Variants in METTL4 observed in about 807,000 individuals in gnomAD.
The protein encoded by METTL4 is N(6)-adenine-specific methyltransferase METTL4.
Under a neutral mutation model 54.0 loss-of-function variants are expected in METTL4, and 40 were observed. The observed-to-expected ratio is 0.74, with a 90% CI of 0.58 to 0.96. The LOEUF (loss-of-function observed/expected upper bound fraction) is 0.96, where lower values mean the gene tolerates loss of function less well. Among genes scored for constraint, METTL4 ranks in the 50% least tolerant of loss-of-function variants. The pLI is 0.00. For synonymous variants in METTL4, 169 were observed against 183.8 expected (o/e 0.92, Z 0.65); for missense variants, 525 against 549.0 (o/e 0.96, Z 0.44).
rs530509726 is a variant in METTL4 at position 2,549,913 on chromosome 18, GA to G, written c.900-2385del. 6.6e-5 allele frequency among the ~76,000 whole-genome samples: 10 copies of G among 150,510 alleles called. No individual in the cohort carries two copies. The South Asian group carries it at 2.1e-3, about 32-fold the overall frequency. ...GGAGGCTAAGGCAGAAGAATCACCT[GA>G]ACCCAGGAGGTGAAGGTTTCAATGA... On this transcript the variant is annotated intron_variant, in intron 5 of 8. Coordinates refer to ENST00000574538, the MANE Select transcript of METTL4 (RefSeq NM_022840.5).
At chr18:2,569,601 G>T (rs1292709668) in intron 1 of METTL4, among the ~76,000 whole-genome samples, 1 of 151,458 alleles carries the variant, frequency 6.6e-6, no homozygotes, top group Admixed American at 6.6e-5. Context: ...CTCAGTTTAA[G>T]TATTCAGTGA....
intron 5 of METTL4, among the ~76,000 whole-genome samples, chr18:2,551,163 C>CAAAAAAAA: frequency 2.0e-5 from 1 of 49,284 alleles, no homozygotes; most frequent in Non-Finnish European, 4.4e-5. Flanking sequence ...GACTCCGTCT[C>CAAAAAAAA]AAAAAAAAAA....
In METTL4 at chr18:2,550,258, A is replaced by G. The variant is rs923136396; in HGVS notation, c.899+2437T>C. Among the ~76,000 whole-genome samples the G allele has an allele frequency of 1.8e-4, 28 of 152,156 alleles. 1 individual carries two copies. Among genetic ancestry groups the G allele is most frequent in the African/African-American group, 6.3e-4 (26 of 41,446 alleles). ...TTGTGTGGAGAAAGAGGAAATATTC[A>G]TATCTCCTCTTCTAGCTCTAATTTC... is the stretch of plus-strand genomic sequence containing the variant. On this transcript the variant is annotated intron_variant, in intron 5 of 8. Coordinates refer to ENST00000574538, the MANE Select transcript of METTL4 (RefSeq NM_022840.5).
In METTL4 at chr18:2,563,841, C is replaced by T. The variant is rs1177925379; in HGVS notation, c.415G>A (p.Val139Ile). ...IIGKKRKRCV[V>I]FNQGELDAME... Reference sequence around the variant, plus strand: ...GCATCCAATTCACCTTGATTGAAAACAACACATCTTTTACGCTTCTAAAGG... The same window carrying T: ...GCATCCAATTCACCTTGATTGAAAATAACACATCTTTTACGCTTCTAAAGG... Residue 139 changes from valine (V) to isoleucine (I), a missense_variant, in exon 3 of 9, where the codon GTT (valine) becomes ATT (isoleucine). By Grantham distance (29) the Val-to-Ile change is conservative (BLOSUM62 3). Transcript: ENST00000574538. 1 of 1,609,308 alleles carries T rather than the reference C, an allele frequency of 6.2e-7. No individual in the cohort carries two copies. Among genetic ancestry groups the T allele is most frequent in the East Asian group, 2.2e-5 (1 of 44,452 alleles).
intron 6 of METTL4, among the ~76,000 whole-genome samples, chr18:2,546,833 C>T (rs2072076317): frequency 6.6e-6 from 1 of 152,096 alleles, no homozygotes; most frequent in Admixed American, 6.6e-5. Context: ...CACAGCAGCA[C>T]AAAAGGCACT....
At chr18:2,551,095 C>T (rs1293903563) in intron 5 of METTL4, among the ~76,000 whole-genome samples, 3 of 134,920 alleles carry the variant, frequency 2.2e-5, no homozygotes, top group African/African-American at 8.5e-5. Context: ...ACCCGGGAGG[C>T]GGAGCTTGCA....
Position 2,537,677 on chromosome 18 carries a change from C to CA in METTL4, c.*1322dup. ...TCAAAAATAACATATTTTTCTTTGA[C>CA]AAAATCAGTAAATTGGCAAGCTTGT... is the stretch of plus-strand genomic sequence containing the variant. On this transcript the variant is annotated 3_prime_UTR_variant, in exon 9 of 9. Coordinates refer to ENST00000574538, the MANE Select transcript of METTL4 (RefSeq NM_022840.5). 2.5e-6 allele frequency: 1 copy of CA among 392,164 alleles called. No individual in the cohort carries two copies. The highest frequency in any genetic ancestry group is 4.5e-6 in the Non-Finnish European group (1 of 222,470). The allele number at this position is 392,164 out of a possible 1,614,324, so 24.3% of individuals were successfully genotyped here.
chr18:2,563,962 ATAAT>A (rs986553026), intron 2 of METTL4, 103 bp from the exon 3 acceptor site: 2 of 659,980 alleles, frequency 3.0e-6, no homozygotes, highest in Non-Finnish European at 2.5e-6. Context: ...ATAATAATTA[ATAAT>A]TAATAGTAGT....
At chr18:2,542,170 T>C (rs1312576358) in intron 8 of METTL4, among the ~76,000 whole-genome samples, 2 of 152,022 alleles carry the variant, frequency 1.3e-5, no homozygotes, top group Non-Finnish European at 2.9e-5. Flanking sequence ...ATTTCAAAGA[T>C]ATAAGCTGTA....
intron 1 of METTL4, chr18:2,568,930 C>A: frequency 4.4e-6 from 1 of 227,946 alleles, no homozygotes; most frequent in South Asian, 7.6e-5. Context: ...GCAGCACTCC[C>A]CTTTGTAAGA....
intron 4 of METTL4, chr18:2,553,117 T>C (rs926901393): frequency 9.9e-5 from 16 of 162,026 alleles, no homozygotes; most frequent in Non-Finnish European, 2.1e-4. Flanking sequence ...TTACTTTTTA[T>C]TTTAAAATAA....
intron 5 of METTL4, among the ~76,000 whole-genome samples, chr18:2,549,169 C>T (rs2072115318): frequency 6.6e-6 from 1 of 152,176 alleles, no homozygotes; most frequent in South Asian, 2.1e-4. Flanking sequence ...TATCTATTTC[C>T]ATACATTTCC....
intron 8 of METTL4, chr18:2,540,120 T>C (rs1456988702): frequency 7.1e-6 from 7 of 983,916 alleles, no homozygotes; most frequent in Non-Finnish European, 8.4e-6. Flanking sequence ...TTGTATTTTG[T>C]TGGGGAAAGA....
chr18:2,540,395 G>T lies in METTL4; in HGVS notation c.1274-1250C>A, dbSNP rs370552481. On this transcript the variant is annotated intron_variant, in intron 8 of 8. Transcript: ENST00000574538. ...ATCTATCAAATTTAGGAATGATAAG[G>T]GTTCTTTAGGAATACTAGAGACAGG... 2.7e-4 allele frequency: 261 copies of T among 979,622 alleles called. No individual in the cohort carries two copies. In the African/African-American group the frequency reaches 3.8e-3, roughly 14 times the overall value. The allele number at this position is 979,622 out of a possible 1,614,324, so 60.7% of individuals were successfully genotyped here.
chr18:2,543,057 G>C (rs1046406715), intron 8 of METTL4, among the ~76,000 whole-genome samples: 1 of 147,740 alleles, frequency 6.8e-6, no homozygotes, highest in South Asian at 2.1e-4. Flanking sequence ...CCAGGAGGTA[G>C]AGGATGCAGT....
intron 8 of METTL4, 53 bp from the exon 9 acceptor site, chr18:2,539,198 T>C: frequency 2.8e-6 from 4 of 1,423,768 alleles, no homozygotes; most frequent in Non-Finnish European, 2.0e-6. Context: ...AGGAATCCAC[T>C]TCCTTTTAGC....
intron 1 of METTL4, chr18:2,568,734 A>G (rs571603964): frequency 9.6e-4 from 145 of 151,588 alleles, no homozygotes; most frequent in African/African-American, 3.1e-3. Context: ...CCAGGGCAAC[A>G]AGAGTGAAAC....
rs920384064 is a variant in METTL4 at position 2,552,137 on chromosome 18, G to A, written c.899+558C>T. 4.6e-5 allele frequency among the ~76,000 whole-genome samples: 7 copies of A among 152,152 alleles called. 1 individual carries two copies. The highest frequency in any genetic ancestry group is 1.7e-4 in the African/African-American group (7 of 41,482). On this transcript the variant is annotated intron_variant, in intron 5 of 8. Transcript: ENST00000574538. ...GAATCCAGGAGGCAGAGGTTCCAGT[G>A]AGCCAAGATCGCGCCACTGCACTCC...
In METTL4 at chr18:2,554,721, C is replaced by T. The variant is rs769221996; in HGVS notation, c.777G>A (p.Pro259=). The T allele has an allele frequency of 5.2e-5, 83 of 1,610,174 alleles. 1 individual carries two copies. Among genetic ancestry groups the T allele is most frequent in the South Asian group, 4.4e-4 (40 of 90,902 alleles). The part of the protein sequence containing the change: ...TLMGQKYLLP[P]KSSFLLSDIS... ...TGTCAGATAAAAGAAAACTGCTTTT[C>T]GGTGGTAGCAGGTATTTCTGTCCCA... Residue 259 remains proline, a synonymous_variant, in exon 4 of 9, where the codon CCG becomes CCA. Coordinates refer to ENST00000574538, the MANE Select transcript of METTL4 (RefSeq NM_022840.5).
Sources: gnomAD v4.1 joint callset for allele counts (sites outside exome capture counted in the v4.1 genomes callset) on GRCh38, gnomAD v4.1.1 for gene constraint, MANE v1.5 for transcripts, NCBI Gene and HGNC (gene_info 2026-07-23, HGNC 2026-07-21) for gene names.